C8orf34: variants seen among roughly 807,000 people sequenced by gnomAD.
The protein encoded by C8orf34 is uncharacterized protein C8orf34.
A neutral mutation model predicts 68.3 loss-of-function variants in C8orf34; 65 were observed. That is an observed-to-expected ratio of 0.95 (90% CI 0.78 to 1.17). The LOEUF is 1.17. C8orf34 is among the 50% of genes most tolerant of loss of function. C8orf34 has a pLI of 0.00. For missense variants in C8orf34, 664 were observed against 655.4 expected (o/e 1.01, Z -0.14); for synonymous variants, 244 against 241.2 (o/e 1.01, Z -0.11).
intron 1 of C8orf34, among the ~76,000 whole-genome samples, chr8:68,339,613 G>A (rs1321421772): frequency 6.6e-6 from 1 of 151,908 alleles, no homozygotes; most frequent in Non-Finnish European, 1.5e-5. Context: ...CATTAAATCA[G>A]TTATAAGTAA....
At chr8:68,696,512 A>G (rs907790984) in intron 8 of C8orf34, among the ~76,000 whole-genome samples, 6 of 151,678 alleles carry the variant, frequency 4.0e-5, no homozygotes, top group African/African-American at 1.2e-4. Context: ...TCTACTTCAG[A>G]TAAATTCCTC....
At chr8:68,403,931 T>C (rs1396362869) in intron 1 of C8orf34, among the ~76,000 whole-genome samples, 1 of 152,230 alleles carries the variant, frequency 6.6e-6, no homozygotes. Context: ...ATGGTATTTC[T>C]GGTTCTAGAT....
At chr8:68,754,122 A>G (rs899210846) in intron 10 of C8orf34, among the ~76,000 whole-genome samples, 1 of 152,192 alleles carries the variant, frequency 6.6e-6, no homozygotes, top group Admixed American at 6.5e-5. Flanking sequence ...AAAAATAAAA[A>G]AGGGCCGGGA....
At chr8:68,687,264 TA>T (rs1820547854) in intron 8 of C8orf34, among the ~76,000 whole-genome samples, 1 of 152,048 alleles carries the variant, frequency 6.6e-6, no homozygotes, top group African/African-American at 2.4e-5. Context: ...TAAAAAATCC[TA>T]AAATTTATAT....
At chr8:68,565,903 T>C (rs1403232822) in intron 7 of C8orf34, among the ~76,000 whole-genome samples, 2 of 152,030 alleles carry the variant, frequency 1.3e-5, no homozygotes, top group Admixed American at 1.3e-4. Context: ...CCAAAATGGG[T>C]AATCATTTAA....
chr8:68,660,012 T>C (rs541309330), intron 8 of C8orf34, among the ~76,000 whole-genome samples: 10 of 152,330 alleles, frequency 6.6e-5, no homozygotes, highest in Non-Finnish European at 7.3e-5. Context: ...CTTAACATAA[T>C]AACCTTCCCC....
chr8:68,808,875 T>G (rs1824563991), intron 12 of C8orf34, among the ~76,000 whole-genome samples: 1 of 152,228 alleles, frequency 6.6e-6, no homozygotes, highest in South Asian at 2.1e-4. Context: ...ACTGATGTAA[T>G]TATTGACATA....
chr8:68,502,557 T>G (rs993561164), intron 5 of C8orf34, among the ~76,000 whole-genome samples: 2 of 152,176 alleles, frequency 1.3e-5, no homozygotes, highest in African/African-American at 4.8e-5. Flanking sequence ...TAGTCATTTT[T>G]GGGGGAGGTT....
intron 1 of C8orf34, among the ~76,000 whole-genome samples, chr8:68,343,657 A>T (rs1806164854): frequency 6.6e-6 from 1 of 151,240 alleles, no homozygotes; most frequent in Non-Finnish European, 1.5e-5. Flanking sequence ...GCAGTGGCAC[A>T]ATCTCAGCTC....
At chr8:68,393,589 G>A (rs1223337584) in intron 1 of C8orf34, among the ~76,000 whole-genome samples, 2 of 120,268 alleles carry the variant, frequency 1.7e-5, no homozygotes, top group East Asian at 4.7e-4. Flanking sequence ...TGACACCATG[G>A]CAAAAAAATA....
At chr8:68,380,062 G>A (rs962909081) in intron 1 of C8orf34, among the ~76,000 whole-genome samples, 3 of 152,022 alleles carry the variant, frequency 2.0e-5, no homozygotes, top group African/African-American at 4.8e-5. Context: ...GGATCTCCCC[G>A]TGTTGCCCAG....
At chr8:68,674,771 C>A (rs896794333) in intron 8 of C8orf34, among the ~76,000 whole-genome samples, 1 of 152,014 alleles carries the variant, frequency 6.6e-6, no homozygotes, top group Non-Finnish European at 1.5e-5. Context: ...ATAAAGATAT[C>A]AATGTCCACG....
intron 7 of C8orf34, among the ~76,000 whole-genome samples, chr8:68,558,313 TG>T (rs1816314871): frequency 6.6e-6 from 1 of 152,172 alleles, no homozygotes; most frequent in East Asian, 1.9e-4. Context: ...TTTTAGGTTT[TG>T]AATCTAACTT....
intron 4 of C8orf34, among the ~76,000 whole-genome samples, chr8:68,471,947 C>T (rs1812397061): frequency 1.3e-5 from 2 of 151,710 alleles, no homozygotes; most frequent in Non-Finnish European, 2.9e-5. Flanking sequence ...CACACACACA[C>T]ACACACACAC....
At chr8:68,429,102 A>G (rs571335659) in intron 1 of C8orf34, among the ~76,000 whole-genome samples, 170 of 152,296 alleles carry the variant, frequency 1.1e-3, no homozygotes, top group African/African-American at 3.9e-3. Context: ...CATTAAAATA[A>G]AGAACTTTTG....
chr8:68,811,690 A>C (rs1470144708), intron 12 of C8orf34, among the ~76,000 whole-genome samples: 1 of 152,254 alleles, frequency 6.6e-6, no homozygotes, highest in Non-Finnish European at 1.5e-5. Context: ...TTTAAAGCTT[A>C]TACAGAAACA....
At chr8:68,745,817 A>G (rs181701365) in intron 10 of C8orf34, among the ~76,000 whole-genome samples, 1,708 of 152,268 alleles carry the variant, frequency 0.011, 16 homozygotes, top group Non-Finnish European at 0.016. Context: ...TCAACATTAG[A>G]CAGATCAACG....
intron 3 of C8orf34, among the ~76,000 whole-genome samples, chr8:68,462,504 C>T (rs1465849107): frequency 6.6e-6 from 1 of 151,632 alleles, no homozygotes; most frequent in Admixed American, 6.6e-5. Context: ...TTCAGCACCA[C>T]ACCACACCTA....
At position 68,757,456 on chromosome 8, in the gene C8orf34, C is replaced by T. The variant is rs1822896841; in HGVS notation, c.1405-18943C>T. Among the ~76,000 whole-genome samples the T allele has an allele frequency of 4.6e-5, 7 of 152,138 alleles. No homozygotes were observed. The South Asian group carries it at 1.2e-3, about 27-fold the overall frequency. On this transcript the variant is annotated intron_variant, in intron 10 of 13. Coordinates refer to ENST00000518698, the MANE Select transcript of C8orf34 (RefSeq NM_052958.4). ...ACCAGCCAGGCCAACATGGTGAAAC[C>T]CCGTCTCTACTAAAAATACAAAAAT...
Sources: allele counts gnomAD v4.1 joint callset (sites outside exome capture counted in the v4.1 genomes callset), GRCh38; gene constraint gnomAD v4.1.1; transcripts MANE v1.5; gene names NCBI Gene and HGNC (gene_info 2026-07-23, HGNC 2026-07-21).